PIH1D1: variants seen among roughly 807,000 people sequenced by gnomAD.
The protein encoded by PIH1D1 is PIH1 domain containing 1, also known as PIH1 domain-containing protein 1.
In PIH1D1, 28 loss-of-function variants were observed where a neutral mutation model predicts 38.5. That is an observed-to-expected ratio of 0.73 (90% confidence interval 0.54 to 1.00). PIH1D1 has a LOEUF of 1.00. PIH1D1 is among the 50% of genes least tolerant of loss of function. PIH1D1 has a pLI of 0.00. For missense variants in PIH1D1, 343 were observed against 369.9 expected, an observed-to-expected ratio of 0.93 and a Z score of 0.60; for synonymous variants, 155 against 153.5, an observed-to-expected ratio of 1.01 and a Z score of -0.07.
intron 2 of PIH1D1, among the ~76,000 whole-genome samples, chr19:49,450,006 G>A (rs1325315897): frequency 1.3e-5 from 2 of 151,966 alleles, no homozygotes; most frequent in Non-Finnish European, 2.9e-5. Flanking sequence ...TGTTGGCCAG[G>A]CTGATCTCAA....
Position 49,446,437 on chromosome 19 carries a change from G to A in PIH1D1, c.832-14C>T, listed in dbSNP as rs763665002. 3 of 1,120,664 alleles carry A rather than the reference G, an allele frequency of 2.7e-6. No homozygotes were observed. The highest frequency in any genetic ancestry group is 4.1e-6 in the Non-Finnish European group (3 of 729,060). The allele number at this position is 1,120,664 out of a possible 1,614,324, so 69.4% of individuals were successfully genotyped here. On this transcript the variant is annotated splice_polypyrimidine_tract_variant and intron_variant, in intron 8 of 8. Coordinates refer to ENST00000262265, the MANE Select transcript of PIH1D1 (RefSeq NM_017916.3). ...CACCATTAATTGCTGAGGAGACAGAGCAAAGAGAATGAGGATCCAGGACCC... is the reference window on the plus strand; with the variant it reads ...CACCATTAATTGCTGAGGAGACAGAACAAAGAGAATGAGGATCCAGGACCC...
intron 2 of PIH1D1, among the ~76,000 whole-genome samples, chr19:49,450,303 G>T (rs2079050719): frequency 1.3e-5 from 2 of 152,056 alleles, no homozygotes. Context: ...ATGTTGCACA[G>T]GCTGGTCTTG....
In PIH1D1 at chr19:49,451,473, CG is replaced by C. The variant is rs760818165; in HGVS notation, c.90+11del. 6 of 1,613,600 alleles carry C rather than the reference CG, an allele frequency of 3.7e-6. No homozygotes were observed. The African/African-American group carries it at 8.0e-5, about 22-fold the overall frequency. ...CCGAATACTCAAGGATCCAGGGGTCCGGTCACTGCACCTGCAGCAGCAGCTC... is the reference window on the plus strand; with the variant it reads ...CCGAATACTCAAGGATCCAGGGGTCCGTCACTGCACCTGCAGCAGCAGCTC... On this transcript the variant is annotated intron_variant, in intron 1 of 8. Transcript: ENST00000262265.
chr19:49,451,434 C>G, intron 1 of PIH1D1, 51 bp downstream of exon 1: 4 of 1,609,816 alleles, frequency 2.5e-6, no homozygotes, highest in South Asian at 1.1e-5. Context: ...TCTTTGAGCA[C>G]CCCGCCAAAA....
intron 5 of PIH1D1, 27 bp from the exon 6 acceptor site, chr19:49,447,494 T>A: frequency 1.2e-6 from 2 of 1,603,474 alleles, no homozygotes; most frequent in Non-Finnish European, 1.7e-6. Flanking sequence ...CCGTCAAACA[T>A]CGTACAGGTC....
chr19:49,446,985 A>G (rs2079027271), intron 7 of PIH1D1, 39 bp downstream of exon 7: 1 of 1,520,104 alleles, frequency 6.6e-7, no homozygotes, highest in Non-Finnish European at 9.1e-7. Flanking sequence ...ACCTTTCCAG[A>G]CCTCATTCCC....
In PIH1D1 at chr19:49,450,766, C is replaced by T. The variant is rs554758461; in HGVS notation, c.157+16G>A. 1.5e-5 allele frequency: 24 copies of T among 1,599,160 alleles called. No homozygotes were observed. In the African/African-American group the frequency reaches 1.6e-4, roughly 11 times the overall value. Reference sequence around the variant, plus strand: ...CCTGGGTCTCCTGTCCCTCTCTCTCCGGTGTCCTTTCTCACCAGGCTGAGG... The same window carrying T: ...CCTGGGTCTCCTGTCCCTCTCTCTCTGGTGTCCTTTCTCACCAGGCTGAGG... On this transcript the variant is annotated intron_variant, in intron 2 of 8. Coordinates refer to ENST00000262265, the MANE Select transcript of PIH1D1 (RefSeq NM_017916.3).
At chr19:49,451,429 G>T (rs2079059726) in intron 1 of PIH1D1, 56 bp downstream of exon 1, 5 of 1,608,892 alleles carry the variant, frequency 3.1e-6, no homozygotes, top group Non-Finnish European at 4.2e-6. Flanking sequence ...TCCCATCTTT[G>T]AGCACCCCGC....
At chr19:49,447,718 G>T in intron 5 of PIH1D1, 109 bp downstream of exon 5, 1 of 1,177,704 alleles carries the variant, frequency 8.5e-7, no homozygotes, top group Non-Finnish European at 1.3e-6. Context: ...CCTCCTAGTA[G>T]CACAGACTCC....
Position 49,447,391 on chromosome 19 carries a change from CCGAGGA to C in PIH1D1, c.552_557del (p.Pro185_Arg186del), listed in dbSNP as rs2122326748. On this transcript the variant is annotated inframe_deletion, in exon 6 of 9. Transcript: ENST00000262265. Reference sequence around the variant, plus strand: ...TGTACAGGTCCCCCAGCTCCTGGATCCGAGGACGCTGCTCCGAGCGGATGTTCTGCT... The same window carrying C: ...TGTACAGGTCCCCCAGCTCCTGGATCCGCTGCTCCGAGCGGATGTTCTGCT... 1.2e-6 allele frequency: 2 copies of C among 1,613,698 alleles called. No homozygotes were observed. The highest frequency in any genetic ancestry group is 4.5e-5 in the East Asian group (2 of 44,876).
chr19:49,448,291 C>A, intron 3 of PIH1D1: 1 of 569,200 alleles, frequency 1.8e-6, no homozygotes, highest in Non-Finnish European at 3.1e-6. Flanking sequence ...TGACCCTATC[C>A]CTTCCCTGCT....
intron 1 of PIH1D1, 173 bp from the exon 2 acceptor site, chr19:49,451,021 A>G (rs1477692211): frequency 7.4e-6 from 6 of 808,944 alleles, no homozygotes; most frequent in Non-Finnish European, 9.7e-6. Context: ...CCCCATTCCC[A>G]TTTCTTTTTT....
At position 49,451,469 on chromosome 19, in the gene PIH1D1, G is replaced by GGTCC. The variant is rs1288868690; in HGVS notation, c.90+12_90+15dup. 8 of 1,613,480 alleles carry GGTCC rather than the reference G, an allele frequency of 5.0e-6. No homozygotes were observed. The highest frequency in any genetic ancestry group is 6.8e-6 in the Non-Finnish European group (8 of 1,179,908). ...ATCCCCGAATACTCAAGGATCCAGG[G>GGTCC]GTCCGGTCACTGCACCTGCAGCAGC... is the stretch of plus-strand genomic sequence containing the variant. On this transcript the variant is annotated intron_variant, in intron 1 of 8. Transcript: ENST00000262265.
chr19:49,448,049 A>G lies in PIH1D1; in HGVS notation c.351T>C (p.Cys117=). 6.2e-7 allele frequency: 1 copy of G among 1,614,198 alleles called. No individual in the cohort carries two copies. Among genetic ancestry groups the G allele is most frequent in the Non-Finnish European group, 8.5e-7 (1 of 1,180,026 alleles). ...TGTTGACAGCTACGTCGTAGGCGGT[A>G]CATCCCTGGCCTTCTGCGGGGAGAA... is the stretch of plus-strand genomic sequence containing the variant. ...HAELDAKGQG[C]TAYDVAVNSD... Residue 117 remains cysteine, a synonymous_variant, in exon 4 of 9, where the codon TGT becomes TGC. Transcript: ENST00000262265.
In PIH1D1 at chr19:49,450,722, CTCCT is replaced by C. The variant is rs2079053199; in HGVS notation, c.157+56_157+59del. On this transcript the variant is annotated intron_variant, in intron 2 of 8. Coordinates refer to ENST00000262265, the MANE Select transcript of PIH1D1 (RefSeq NM_017916.3). Reference sequence around the variant, plus strand: ...CTTTATTTTCGTGTCTCTTTCCTTCCTCCTCTCTCTGTCCTCTCCCTGGGTCTCC... The same window carrying C: ...CTTTATTTTCGTGTCTCTTTCCTTCCCTCTCTGTCCTCTCCCTGGGTCTCC... 5 of 760,622 alleles carry C rather than the reference CTCCT, an allele frequency of 6.6e-6. No individual in the cohort carries two copies. In the African/African-American group the frequency reaches 9.9e-5, roughly 15 times the overall value. The allele number at this position is 760,622 out of a possible 1,614,324, so 47.1% of individuals were successfully genotyped here.
In PIH1D1 at chr19:49,450,816, G is replaced by T. The variant is rs779157242; in HGVS notation, c.123C>A (p.Thr41=). The change falls in exon 2 of 9, where the codon ACC becomes ACA. Residue 41 remains threonine, a synonymous_variant. Coordinates refer to ENST00000262265, the MANE Select transcript of PIH1D1 (RefSeq NM_017916.3). The part of the protein sequence containing the change: ...ASKELQQAQT[T]RPESTQIQPQ... ...GCTGGATTTGTGTCGATTCTGGTCT[G>T]GTTGTCTGGGCTTGCTGGAGCTCCT... 2.5e-6 allele frequency: 4 copies of T among 1,613,224 alleles called. No individual in the cohort carries two copies.
chr19:49,449,128 G>A, intron 3 of PIH1D1: 1 of 375,352 alleles, frequency 2.7e-6, no homozygotes, highest in Non-Finnish European at 5.1e-6. Flanking sequence ...GGCAACAAGA[G>A]CGAAACTCCA....
In PIH1D1 at chr19:49,447,670, T is replaced by C. The variant is rs568021170; in HGVS notation, c.481+157A>G. ...CAATAAAACCCACCCCTGGAGATGT[T>C]CCTGGCCCCGCCCCCTCAGGGCGTC... On this transcript the variant is annotated intron_variant, in intron 5 of 8. Transcript: ENST00000262265. The C allele has an allele frequency of 4.3e-5, 41 of 956,926 alleles. No homozygotes were observed. The African/African-American group carries it at 6.3e-4, about 15-fold the overall frequency. 59.3% of individuals were successfully genotyped at this position (956,926 alleles called of 1,614,324 possible).
intron 2 of PIH1D1, among the ~76,000 whole-genome samples, chr19:49,450,022 T>A (rs1445027817): frequency 6.6e-6 from 1 of 152,084 alleles, no homozygotes; most frequent in East Asian, 1.9e-4. Context: ...CTCAAACTCC[T>A]GCCCTCAGGT....
Sources: allele counts gnomAD v4.1 joint callset (sites outside exome capture counted in the v4.1 genomes callset), GRCh38; gene constraint gnomAD v4.1.1; transcripts MANE v1.5; gene names NCBI Gene and HGNC (gene_info 2026-07-23, HGNC 2026-07-21).